The following RAI1 variants were observed in gnomAD, a reference collection of about 807,000 sequenced individuals.
RAI1 encodes the protein retinoic acid induced 1, also known as retinoic acid-induced protein 1.
RAI1 carries 9 observed loss-of-function variants against 123.8 expected under a neutral mutation model. The observed-to-expected ratio is 0.07, with a 90% CI of 0.04 to 0.13. The LOEUF (loss-of-function observed/expected upper bound fraction) is 0.13, where lower values mean the gene tolerates loss of function less well. Among genes scored for constraint, RAI1 ranks in the 10% least tolerant of loss-of-function variants. RAI1 has a pLI of 1.00. For synonymous variants in RAI1, 1,231 were observed against 1,127.3 expected, an observed-to-expected ratio of 1.09 and a Z score of -1.84; for missense variants, 2,256 against 2,545.8, an observed-to-expected ratio of 0.89 and a Z score of 2.45.
chr17:17,794,165 C>G lies in RAI1; in HGVS notation c.1217C>G (p.Ser406Cys), dbSNP rs1051343424. ...LNPSPTDATS[S>C]VDTQAGNCKP... ...CCCTCCCCAACGGATGCCACCAGCT[C>G]TGTGGACACCCAGGCTGGCAACTGC... The change falls in exon 3 of 6, where the codon TCT (serine) becomes TGT (cysteine). Residue 406 changes from serine to cysteine, a missense_variant. By Grantham distance (112) the Ser-to-Cys change is moderately radical. Transcript: ENST00000353383. 1 of 1,613,758 alleles carries G rather than the reference C, an allele frequency of 6.2e-7. No individual in the cohort carries two copies. Among genetic ancestry groups the G allele is most frequent in the Non-Finnish European group, 8.5e-7 (1 of 1,180,054 alleles).
chr17:17,778,954 G>C (rs1447301800), intron 2 of RAI1: 1 of 456,050 alleles, frequency 2.2e-6, no homozygotes, highest in Non-Finnish European at 4.4e-6. Flanking sequence ...CCAGTGCACA[G>C]AGTATTCTGA....
chr17:17,784,952 T>G (rs534579003), intron 2 of RAI1, among the ~76,000 whole-genome samples: 1 of 152,170 alleles, frequency 6.6e-6, no homozygotes, highest in South Asian at 2.1e-4. Context: ...CCTTCATCCT[T>G]CCCCACATAG....
At chr17:17,691,819 C>G (rs1056238744) in intron 1 of RAI1, among the ~76,000 whole-genome samples, 6 of 152,192 alleles carry the variant, frequency 3.9e-5, no homozygotes, top group Admixed American at 2.6e-4. Context: ...GCACCCTAGC[C>G]CCAGGTGCTA....
rs527324407 is a variant in RAI1 at position 17,725,453 on chromosome 17, C to T, written c.-17+1294C>T. Among the ~76,000 whole-genome samples the T allele has an allele frequency of 1.6e-4, 25 of 152,230 alleles. 1 individual carries two copies. The South Asian group carries it at 5.0e-3, about 30-fold the overall frequency. ...GGGGAGGAGAGTGGTGGGAACTTCT[C>T]CTTTCCCATTGAGGCCATGGGAAGG... On this transcript the variant is annotated intron_variant, in intron 2 of 5. Transcript: ENST00000353383.
Position 17,796,860 on chromosome 17 carries a change from C to A in RAI1, c.3912C>A (p.Leu1304=). The A allele has an allele frequency of 1.2e-6, 2 of 1,612,896 alleles. No individual in the cohort carries two copies. Among genetic ancestry groups the A allele is most frequent in the Non-Finnish European group, 1.7e-6 (2 of 1,179,742 alleles). Residue 1304 remains leucine (L), a synonymous_variant, in exon 3 of 6, where the codon CTC becomes CTA. Coordinates refer to ENST00000353383, the MANE Select transcript of RAI1 (RefSeq NM_030665.4). This position sits in a 1 kb window ranked among gnomAD's most constrained non-coding sequence, Gnocchi z 5.8. ...PPETPDACLK[L]ASRAAFQGAM... is the part of the protein sequence containing the mutation. ...AGACCCCCGATGCCTGCCTCAAGCT[C>A]GCCTCTCGGGCAGCCTTCCAGGGGG...
rs997784195 is a variant in RAI1 at position 17,799,205 on chromosome 17, C to T, written c.5565+692C>T. ...ATGCACCTTTGGGGCTGTGACCTGC[C>T]CTCTCTGTGCCTCCGTCCCCTCGCC... On this transcript the variant is annotated intron_variant, in intron 3 of 5. Transcript: ENST00000353383. The surrounding 1 kb of genome is among the most constrained non-coding windows in gnomAD (Gnocchi z 4.5). 6.6e-6 allele frequency among the ~76,000 whole-genome samples: 1 copy of T among 152,192 alleles called. No individual in the cohort carries two copies. Among genetic ancestry groups the T allele is most frequent in the East Asian group, 1.9e-4 (1 of 5,202 alleles).
intron 1 of RAI1, among the ~76,000 whole-genome samples, chr17:17,719,492 C>T (rs531507482): frequency 2.0e-5 from 3 of 152,196 alleles, no homozygotes; most frequent in Non-Finnish European, 2.9e-5. Flanking sequence ...TTCTCAAATG[C>T]TCTTAAGTAT....
intron 1 of RAI1, among the ~76,000 whole-genome samples, chr17:17,698,182 C>G (rs1025890148): frequency 2.0e-5 from 3 of 152,206 alleles, no homozygotes; most frequent in Admixed American, 1.3e-4. Flanking sequence ...CTCCTCCTCC[C>G]TGGACCTCAG....
At chr17:17,792,848 CT>C (rs1451537157) in intron 2 of RAI1, 84 bp from the exon 3 acceptor site, 1 of 1,122,264 alleles carries the variant, frequency 8.9e-7, no homozygotes, top group Admixed American at 2.0e-5. Flanking sequence ...AGTGGCCCGT[CT>C]GAATCGCTCA....
intron 1 of RAI1, among the ~76,000 whole-genome samples, chr17:17,689,660 A>G (rs889014223): frequency 6.6e-6 from 1 of 152,192 alleles, no homozygotes. Context: ...CTGGGTTCAG[A>G]TCCAGGGTCT....
chr17:17,689,745 G>T (rs776684644), intron 1 of RAI1, among the ~76,000 whole-genome samples: 1 of 152,296 alleles, frequency 6.6e-6, no homozygotes, highest in African/African-American at 2.4e-5. Flanking sequence ...GGAACTGATA[G>T]AATCTACCTC....
intron 2 of RAI1, among the ~76,000 whole-genome samples, chr17:17,761,959 G>A (rs1053024379): frequency 7.9e-5 from 12 of 152,138 alleles, no homozygotes; most frequent in African/African-American, 1.7e-4. Context: ...GGCATCCAAG[G>A]GACTTTTGGT....
At position 17,795,561 on chromosome 17, in the gene RAI1, C is replaced by T; in HGVS notation, c.2613C>T (p.Tyr871=). 1 of 1,609,710 alleles carries T rather than the reference C, an allele frequency of 6.2e-7. No individual in the cohort carries two copies. The highest frequency in any genetic ancestry group is 8.5e-7 in the Non-Finnish European group (1 of 1,178,234). ...RKEDLEAEEE[Y]SSLCELLGSP... is the part of the protein sequence containing the mutation. ...AGGACCTGGAAGCTGAGGAGGAGTACTCCTCCCTATGTGAGCTCCTGGGCA... is the reference window on the plus strand; with the variant it reads ...AGGACCTGGAAGCTGAGGAGGAGTATTCCTCCCTATGTGAGCTCCTGGGCA... The change falls in exon 3 of 6, where the codon TAC becomes TAT. Residue 871 remains tyrosine (Y), a synonymous_variant. Transcript: ENST00000353383. This position sits in a 1 kb window ranked among gnomAD's most constrained non-coding sequence, Gnocchi z 5.9.
chr17:17,744,832 A>G (rs1018312815), intron 2 of RAI1, among the ~76,000 whole-genome samples: 4 of 151,502 alleles, frequency 2.6e-5, no homozygotes, highest in African/African-American at 9.7e-5. Flanking sequence ...GTAGAGGCAC[A>G]TAAACAGGTC....
chr17:17,789,429 T>C (rs1268116358), intron 2 of RAI1, among the ~76,000 whole-genome samples: 1 of 152,292 alleles, frequency 6.6e-6, no homozygotes, highest in East Asian at 1.9e-4. Context: ...GGTCTTTGCC[T>C]AAAAGAAGGG....
chr17:17,787,407 A>G (rs1313911046), intron 2 of RAI1, among the ~76,000 whole-genome samples: 1 of 152,220 alleles, frequency 6.6e-6, no homozygotes, highest in Non-Finnish European at 1.5e-5. Flanking sequence ...TCATTTTGAC[A>G]GAGACACAGA....
At chr17:17,691,462 T>C (rs560150022) in intron 1 of RAI1, among the ~76,000 whole-genome samples, 2 of 152,298 alleles carry the variant, frequency 1.3e-5, no homozygotes, top group South Asian at 2.1e-4. Context: ...TTATTTGTAA[T>C]GTGAGCTATG....
At position 17,810,070 on chromosome 17, in the gene RAI1, C is replaced by T. The variant is rs1183994844; in HGVS notation, c.*89C>T. 3 of 1,501,450 alleles carry T rather than the reference C, an allele frequency of 2.0e-6. No homozygotes were observed. The highest frequency in any genetic ancestry group is 2.5e-5 in the East Asian group (1 of 40,454). 93.0% of individuals were successfully genotyped at this position (1,501,450 alleles called of 1,614,324 possible). The stretch of plus-strand genomic sequence containing the variant: ...GGAGCCGCCTGCGCAGCCCCCGGGC[C>T]TTTGAGCTGCTCCCAGCGCTGGTCC... On this transcript the variant is annotated 3_prime_UTR_variant, in exon 6 of 6. Transcript: ENST00000353383. The surrounding 1 kb of genome is among the most constrained non-coding windows in gnomAD (Gnocchi z 4.6).
intron 1 of RAI1, among the ~76,000 whole-genome samples, chr17:17,717,080 C>CT (rs1214245893): frequency 6.6e-6 from 1 of 152,158 alleles, no homozygotes; most frequent in Non-Finnish European, 1.5e-5. Context: ...GGGAGTCAGT[C>CT]TGTTGCTGGG....
Sources: gnomAD v4.1 joint callset for allele counts (sites outside exome capture counted in the v4.1 genomes callset) on GRCh38, gnomAD v4.1.1 for gene constraint, Gnocchi (gnomAD v3.1) non-coding constraint, MANE v1.5 for transcripts, NCBI Gene and HGNC (gene_info 2026-07-23, HGNC 2026-07-21) for gene names.